The following UBAC2 variants were observed in gnomAD, a reference collection of about 807,000 sequenced individuals.
UBAC2 encodes the protein UBA domain containing 2, also known as ubiquitin-associated domain-containing protein 2.
Under a neutral mutation model 44.0 loss-of-function variants are expected in UBAC2, and 26 were observed. The observed-to-expected ratio is 0.59, with a 90% CI of 0.43 to 0.82. The LOEUF is 0.82. Among genes scored for constraint, UBAC2 ranks in the 40% least tolerant of loss-of-function variants. UBAC2 has a pLI of 0.00. For missense variants in UBAC2, 329 were observed against 419.4 expected, an observed-to-expected ratio of 0.78 and a Z score of 1.88; for synonymous variants, 155 against 154.3, an observed-to-expected ratio of 1.00 and a Z score of -0.04.
chr13:99,375,493 T>C (rs2045467686), intron 8 of UBAC2, among the ~76,000 whole-genome samples: 1 of 152,104 alleles, frequency 6.6e-6, no homozygotes, highest in Admixed American at 6.5e-5. Flanking sequence ...CATGCTACCC[T>C]GCACCCAGTG....
intron 4 of UBAC2, among the ~76,000 whole-genome samples, chr13:99,252,767 T>C (rs1030849810): frequency 3.9e-5 from 6 of 152,166 alleles, no homozygotes; most frequent in Non-Finnish European, 8.8e-5. Context: ...AAAAAATAAC[T>C]TTTAAGTGAT....
At chr13:99,274,711 C>T (rs1286541120) in intron 4 of UBAC2, among the ~76,000 whole-genome samples, 2 of 149,590 alleles carry the variant, frequency 1.3e-5, no homozygotes, top group Non-Finnish European at 3.0e-5. Flanking sequence ...ATCCTTTTTC[C>T]TTTTCTTTTC....
intron 7 of UBAC2, among the ~76,000 whole-genome samples, chr13:99,342,052 A>G (rs550806017): frequency 1.3e-5 from 2 of 152,226 alleles, no homozygotes; most frequent in Non-Finnish European, 2.9e-5. Flanking sequence ...GAGAAGTTGC[A>G]TTTCTCAGAT....
intron 7 of UBAC2, among the ~76,000 whole-genome samples, chr13:99,342,224 G>A (rs548595514): frequency 6.1e-4 from 93 of 152,350 alleles, no homozygotes; most frequent in African/African-American, 2.0e-3. Flanking sequence ...GTGAAGCTGG[G>A]AGAGCCCTTC....
At position 99,353,568 on chromosome 13, in the gene UBAC2, T is replaced by C. The variant is rs945890217; in HGVS notation, c.807+13003T>C. On this transcript the variant is annotated intron_variant, in intron 7 of 8. Coordinates refer to ENST00000403766, the MANE Select transcript of UBAC2 (RefSeq NM_001144072.2). The stretch of plus-strand genomic sequence containing the variant: ...TGGCTTTTTGAAGATGTAAAAGTTA[T>C]CAGTAATCCTAATTCTTTTCCTGGG... Among the ~76,000 whole-genome samples the C allele has an allele frequency of 3.9e-5, 6 of 152,222 alleles. No homozygotes were observed. The South Asian group carries it at 6.2e-4, about 16-fold the overall frequency.
intron 7 of UBAC2, among the ~76,000 whole-genome samples, chr13:99,365,856 A>T (rs1156703994): frequency 6.6e-6 from 1 of 152,094 alleles, no homozygotes; most frequent in Non-Finnish European, 1.5e-5. Context: ...ATATGTCTGG[A>T]TGCTTCCACT....
chr13:99,335,247 T>A (rs367700017), intron 6 of UBAC2, among the ~76,000 whole-genome samples: 2 of 152,248 alleles, frequency 1.3e-5, no homozygotes, highest in East Asian at 1.9e-4. Flanking sequence ...ACATTTTTAA[T>A]ATTTTGTTAT....
intron 4 of UBAC2, among the ~76,000 whole-genome samples, chr13:99,276,066 T>G (rs2043877890): frequency 6.6e-6 from 1 of 152,218 alleles, no homozygotes; most frequent in Non-Finnish European, 1.5e-5. Flanking sequence ...GTCAGTGGTG[T>G]CTGTGAGTCC....
intron 1 of UBAC2, among the ~76,000 whole-genome samples, chr13:99,206,244 G>A (rs966272782): frequency 2.0e-5 from 3 of 152,220 alleles, no homozygotes. Context: ...GAGTAGGTGA[G>A]AGTTAGGTTG....
chr13:99,256,283 CTT>C (rs1306264907), intron 4 of UBAC2: 1 of 155,384 alleles, frequency 6.4e-6, no homozygotes, highest in African/African-American at 2.4e-5. Context: ...GGCTATTAAA[CTT>C]TTTGTTTTTT....
intron 7 of UBAC2, among the ~76,000 whole-genome samples, chr13:99,344,800 A>G (rs1379189297): frequency 6.6e-6 from 1 of 152,170 alleles, no homozygotes; most frequent in Non-Finnish European, 1.5e-5. Flanking sequence ...GCACAGTTAG[A>G]CAGTTAGACT....
intron 7 of UBAC2, among the ~76,000 whole-genome samples, chr13:99,344,206 G>A (rs1397721767): frequency 6.6e-6 from 1 of 152,218 alleles, no homozygotes; most frequent in Admixed American, 6.5e-5. Context: ...GGGAGTGCTT[G>A]CTTGTCCAGG....
chr13:99,215,960 CAAAA>C (rs2042989152), intron 1 of UBAC2, among the ~76,000 whole-genome samples: 1 of 152,140 alleles, frequency 6.6e-6, no homozygotes, highest in Non-Finnish European at 1.5e-5. Flanking sequence ...CCTATTGTAA[CAAAA>C]AGAGCAGGAA....
intron 8 of UBAC2, among the ~76,000 whole-genome samples, chr13:99,368,131 A>G (rs985574407): frequency 4.6e-5 from 7 of 152,050 alleles, no homozygotes; most frequent in Admixed American, 2.6e-4. Context: ...GGAATGTATT[A>G]TGGTAGCTTG....
intron 4 of UBAC2, among the ~76,000 whole-genome samples, chr13:99,281,591 C>T (rs1240428454): frequency 6.6e-6 from 1 of 152,140 alleles, no homozygotes; most frequent in African/African-American, 2.4e-5. Context: ...AGGAAACAGG[C>T]TCAGAAACCT....
chr13:99,299,592 T>A (rs2044227627), intron 4 of UBAC2, among the ~76,000 whole-genome samples: 1 of 152,180 alleles, frequency 6.6e-6, no homozygotes, highest in Non-Finnish European at 1.5e-5. Context: ...TTCTAGTCAG[T>A]GACTGGAATG....
At chr13:99,238,063 A>G (rs1180358952) in intron 1 of UBAC2, among the ~76,000 whole-genome samples, 1 of 152,214 alleles carries the variant, frequency 6.6e-6, no homozygotes, top group Non-Finnish European at 1.5e-5. Context: ...TATATGTATG[A>G]GTTTTGTGCA....
intron 7 of UBAC2, among the ~76,000 whole-genome samples, chr13:99,362,523 G>A (rs2045278648): frequency 2.6e-5 from 4 of 152,162 alleles, no homozygotes; most frequent in Admixed American, 2.6e-4. Context: ...CCCACACTCA[G>A]TATTGTTGGG....
chr13:99,342,062 T>A (rs1372880913), intron 7 of UBAC2, among the ~76,000 whole-genome samples: 1 of 152,234 alleles, frequency 6.6e-6, no homozygotes, highest in Non-Finnish European at 1.5e-5. Flanking sequence ...ATTTCTCAGA[T>A]TGGCCTCCCC....
Sources: gnomAD v4.1 joint callset for allele counts (sites outside exome capture counted in the v4.1 genomes callset) on GRCh38, gnomAD v4.1.1 for gene constraint, MANE v1.5 for transcripts, NCBI Gene and HGNC (gene_info 2026-07-23, HGNC 2026-07-21) for gene names.